Variants in TEX2 observed in about 807,000 individuals in gnomAD.
TEX2 encodes the protein testis-expressed protein 2.
Under a neutral mutation model 106.9 loss-of-function variants are expected in TEX2, and 53 were observed. The observed-to-expected ratio is 0.50, with a 90% CI of 0.40 to 0.62. The LOEUF (loss-of-function observed/expected upper bound fraction) is 0.62. Ranked by LOEUF, TEX2 falls within the 20% of genes least tolerant of loss-of-function variation. TEX2 has a pLI of 0.00. For missense variants in TEX2, 1,207 were observed against 1,379.0 expected (o/e 0.88, Z 1.98); for synonymous variants, 523 against 534.8 (o/e 0.98, Z 0.30).
rs1172948369 is a variant in TEX2, at chr17:64,148,060, A to G, written c.*909T>C. On this transcript the variant is annotated 3_prime_UTR_variant, in exon 12 of 12. Transcript: ENST00000584379. ...AGAGCAGTTCTCCGTTTTGGCCTTC[A>G]GGAAGGGAAATCTGCCCATGGAACT... 2 of 152,466 alleles carry G rather than the reference A, an allele frequency of 1.3e-5. No individual in the cohort carries two copies. Among genetic ancestry groups the G allele is most frequent in the African/African-American group, 4.8e-5 (2 of 41,398 alleles). 9.4% of individuals were successfully genotyped at this position (152,466 alleles called of 1,614,324 possible).
intron 11 of TEX2, chr17:64,149,937 A>AAAAAAAAAAAAG (rs1555623303): frequency 6.8e-6 from 1 of 146,980 alleles, no homozygotes; most frequent in Non-Finnish European, 1.5e-5. Context: ...AAAAAAAAAA[A>AAAAAAAAAAAAG]GAAAGAAAAA....
intron 2 of TEX2, among the ~76,000 whole-genome samples, chr17:64,207,512 G>A (rs782726512): frequency 1.3e-5 from 2 of 152,162 alleles, no homozygotes; most frequent in African/African-American, 2.4e-5. Context: ...TGGATCAGAT[G>A]TACACAAAAT....
intron 1 of TEX2, among the ~76,000 whole-genome samples, chr17:64,259,724 T>C (rs1036284979): frequency 6.6e-6 from 1 of 152,218 alleles, no homozygotes; most frequent in Admixed American, 6.5e-5. Context: ...GCATGACCTG[T>C]TATTGGGTGC....
At position 64,188,172 on chromosome 17, in the gene TEX2, T is replaced by G. The variant is rs946178461; in HGVS notation, c.2420A>C (p.Lys807Thr). 40 of 1,606,454 alleles carry G rather than the reference T, an allele frequency of 2.5e-5. No individual in the cohort carries two copies. The highest frequency in any genetic ancestry group is 3.1e-5 in the Non-Finnish European group (37 of 1,178,908). The change falls in exon 5 of 12, where the codon AAG becomes ACG. Residue 807 changes from lysine (K) to threonine (T), a missense_variant. Transcript: ENST00000584379. ...CGGCCCAGCAGCCAGCTTTACCTTC[T>G]TCCCAGCTGTGGGGCTGCTCTCCGC... Reference protein sequence around the residue: ...QSAESSPTAGKKLPEVPPSEE... With the variant: ...QSAESSPTAGTKLPEVPPSEE...
intron 1 of TEX2, chr17:64,230,577 T>C (rs1472118627): frequency 6.6e-6 from 1 of 152,200 alleles, no homozygotes; most frequent in African/African-American, 2.4e-5. Flanking sequence ...AATTGTTCAG[T>C]TAGTAGTAAA....
intron 5 of TEX2, among the ~76,000 whole-genome samples, chr17:64,179,469 T>C (rs2143796804): frequency 6.6e-6 from 1 of 152,318 alleles, no homozygotes; most frequent in South Asian, 2.1e-4. Context: ...GGAAGCTTTG[T>C]ACTTTTGCTC....
chr17:64,149,103 T>C lies in TEX2; in HGVS notation c.3262-12A>G, dbSNP rs1425972976. 8 of 1,613,352 alleles carry C rather than the reference T, an allele frequency of 5.0e-6. No homozygotes were observed. Among genetic ancestry groups the C allele is most frequent in the Non-Finnish European group, 5.9e-6 (7 of 1,179,598 alleles). On this transcript the variant is annotated splice_polypyrimidine_tract_variant and intron_variant, in intron 11 of 11. Transcript: ENST00000584379. ...ATGACAAAAACTTTCTGTAGGAAGATATTAAAGAACAGCTATGTGGAAGAA... is the reference window on the plus strand; with the variant it reads ...ATGACAAAAACTTTCTGTAGGAAGACATTAAAGAACAGCTATGTGGAAGAA...
At chr17:64,231,812 A>G (rs1436898530) in intron 1 of TEX2, among the ~76,000 whole-genome samples, 3 of 152,246 alleles carry the variant, frequency 2.0e-5, no homozygotes, top group Non-Finnish European at 4.4e-5. Flanking sequence ...TTTTCCTTAC[A>G]TATAATGCAG....
At chr17:64,255,028 C>CT (rs566755382) in intron 1 of TEX2, among the ~76,000 whole-genome samples, 3,662 of 132,432 alleles carry the variant, frequency 0.028, 148 homozygotes, top group Non-Finnish European at 0.036. Context: ...CTGCATCTGG[C>CT]TTTTTTTTTT....
intron 1 of TEX2, among the ~76,000 whole-genome samples, chr17:64,242,838 C>G (rs2033913020): frequency 6.6e-6 from 1 of 151,906 alleles, no homozygotes; most frequent in South Asian, 2.1e-4. Context: ...ATGATCCCAA[C>G]ACGTTTGGAA....
chr17:64,159,568 C>T (rs1012943208), intron 8 of TEX2, among the ~76,000 whole-genome samples: 2 of 152,168 alleles, frequency 1.3e-5, no homozygotes, highest in Non-Finnish European at 2.9e-5. Flanking sequence ...TGTCCAAGAA[C>T]GTGATGCCTT....
intron 1 of TEX2, among the ~76,000 whole-genome samples, chr17:64,224,133 T>C (rs1484153351): frequency 6.6e-6 from 1 of 152,232 alleles, no homozygotes; most frequent in Non-Finnish European, 1.5e-5. Flanking sequence ...TTGGGTTATG[T>C]CAGTCAACAG....
At chr17:64,221,236 T>C (rs1380383035) in intron 1 of TEX2, among the ~76,000 whole-genome samples, 5 of 151,980 alleles carry the variant, frequency 3.3e-5, no homozygotes, top group African/African-American at 1.2e-4. Context: ...AGCATCAGGA[T>C]AAATAGCTAA....
intron 1 of TEX2, among the ~76,000 whole-genome samples, chr17:64,246,942 G>A (rs2033999181): frequency 6.6e-6 from 1 of 152,164 alleles, no homozygotes; most frequent in African/African-American, 2.4e-5. Flanking sequence ...AAAAGCCAAT[G>A]ACGGGGAACA....
chr17:64,235,313 G>C (rs1555635010), intron 1 of TEX2, among the ~76,000 whole-genome samples: 1 of 152,252 alleles, frequency 6.6e-6, no homozygotes, highest in Non-Finnish European at 1.5e-5. Flanking sequence ...ACCACTGTGT[G>C]GCACTGCCTC....
chr17:64,194,402 G>C (rs990988517), intron 3 of TEX2, among the ~76,000 whole-genome samples: 1 of 152,176 alleles, frequency 6.6e-6, no homozygotes, highest in African/African-American at 2.4e-5. Flanking sequence ...AGAAACAATA[G>C]CTTTGTGGAA....
chr17:64,154,523 C>A (rs1011880383), intron 9 of TEX2, among the ~76,000 whole-genome samples: 1 of 152,100 alleles, frequency 6.6e-6, no homozygotes. Flanking sequence ...GGAGGCTCTC[C>A]GGGGGGAGGG....
Position 64,193,713 on chromosome 17 carries a change from A to T in TEX2, c.2022T>A (p.Pro674=). 2.5e-6 allele frequency: 4 copies of T among 1,612,416 alleles called. No homozygotes were observed. The highest frequency in any genetic ancestry group is 3.4e-6 in the Non-Finnish European group (4 of 1,179,204). ...GSEDPKKPPR[P]QEGTRSSQRD... is the part of the protein sequence containing the mutation. ...GCTGGCTAGATCTTGTTCCCTCCTGAGGGCGGGGTGGCTTCTTAGGGTCCT... is the reference window on the plus strand; with the variant it reads ...GCTGGCTAGATCTTGTTCCCTCCTGTGGGCGGGGTGGCTTCTTAGGGTCCT... Residue 674 remains proline, a synonymous_variant, in exon 4 of 12, where the codon CCT becomes CCA. Transcript: ENST00000584379.
intron 7 of TEX2, among the ~76,000 whole-genome samples, chr17:64,167,780 C>T (rs756915662): frequency 5.0e-4 from 76 of 152,028 alleles, no homozygotes; most frequent in Non-Finnish European, 7.2e-4. Flanking sequence ...GATCATGCCA[C>T]TGCACTCCAG....
Sources: allele counts gnomAD v4.1 joint callset (sites outside exome capture counted in the v4.1 genomes callset), GRCh38; gene constraint gnomAD v4.1.1; transcripts MANE v1.5; gene names NCBI Gene and HGNC (gene_info 2026-07-23, HGNC 2026-07-21).